Variants in LEMD1 observed in about 807,000 individuals in gnomAD.
LEMD1 encodes LEM domain containing 1, also known as LEM domain-containing protein 1.
LEMD1 carries 18 observed loss-of-function variants against 17.4 expected under a neutral mutation model. That is an observed-to-expected ratio of 1.04 (90% CI 0.72 to 1.54). The LOEUF is 1.54. Ranked by LOEUF, LEMD1 falls within the 40% of genes most tolerant of loss-of-function variation. The probability of loss-of-function intolerance (pLI) is 0.00; values close to 1 mark genes in which losing one functional copy is unlikely to be tolerated. For synonymous variants in LEMD1, 88 were observed against 77.8 expected (o/e 1.13, Z -0.69); for missense variants, 195 against 210.4 (o/e 0.93, Z 0.45).
intron 4 of LEMD1, among the ~76,000 whole-genome samples, chr1:205,401,159 G>A (rs1167210478): frequency 4.1e-5 from 6 of 148,044 alleles, no homozygotes; most frequent in Admixed American, 6.8e-5. Context: ...ATAAACATAC[G>A]TGTGCATGTG....
chr1:205,431,730 T>C (rs142297229), intron 1 of LEMD1, among the ~76,000 whole-genome samples: 2,062 of 150,650 alleles, frequency 0.014, 38 homozygotes, highest in African/African-American at 0.047. Flanking sequence ...TTCTTTCTTT[T>C]TTTTTGAGAC....
intron 4 of LEMD1, among the ~76,000 whole-genome samples, chr1:205,392,553 A>G (rs1664393853): frequency 6.6e-6 from 1 of 152,048 alleles, no homozygotes; most frequent in Admixed American, 6.6e-5. Context: ...AAAAAAAACA[A>G]ATTAGAACTG....
chr1:205,391,479 G>A (rs538348092), intron 4 of LEMD1, among the ~76,000 whole-genome samples: 1 of 152,174 alleles, frequency 6.6e-6, no homozygotes, highest in Non-Finnish European at 1.5e-5. Flanking sequence ...AAGGAAAAGG[G>A]CAGCCTAGTA....
At chr1:205,392,257 T>A (rs1311208995) in intron 4 of LEMD1, among the ~76,000 whole-genome samples, 1 of 152,206 alleles carries the variant, frequency 6.6e-6, no homozygotes, top group African/African-American at 2.4e-5. Flanking sequence ...AATATGAACA[T>A]GTTTGAAACA....
chr1:205,410,178 T>G (rs1665322115), intron 4 of LEMD1, among the ~76,000 whole-genome samples: 1 of 152,164 alleles, frequency 6.6e-6, no homozygotes, highest in Non-Finnish European at 1.5e-5. Context: ...TGCCTCAGCC[T>G]CCCAAAGTGC....
chr1:205,427,505 GAGAC>G (rs991086370), intron 1 of LEMD1, among the ~76,000 whole-genome samples: 18 of 151,460 alleles, frequency 1.2e-4, no homozygotes, highest in African/African-American at 4.4e-4. Context: ...GAGAGAGAGA[GAGAC>G]AGAGAGAGAG....
chr1:205,428,153 A>C (rs1666081162), intron 1 of LEMD1, among the ~76,000 whole-genome samples: 1 of 152,230 alleles, frequency 6.6e-6, no homozygotes, highest in Non-Finnish European at 1.5e-5. Flanking sequence ...TAATTTTAAA[A>C]CATTTAAAAT....
chr1:205,386,309 CTT>C (rs10645710), intron 4 of LEMD1: 3 of 144,558 alleles, frequency 2.1e-5, no homozygotes, highest in Non-Finnish European at 3.0e-5. Flanking sequence ...GTGCCCCCTT[CTT>C]TTTTTTTTTT....
chr1:205,434,838 C>T (rs1406696006), intron 1 of LEMD1: 10 of 152,304 alleles, frequency 6.6e-5, no homozygotes, highest in African/African-American at 2.2e-4. Context: ...AAAATAAACA[C>T]GGATGCCCCT....
intron 4 of LEMD1, among the ~76,000 whole-genome samples, chr1:205,400,849 C>A (rs1273925675): frequency 2.7e-5 from 3 of 111,316 alleles, no homozygotes; most frequent in African/African-American, 9.8e-5. Context: ...TCCCTCCCCC[C>A]CCCCACCCCA....
intron 4 of LEMD1, chr1:205,386,162 C>G (rs1664001470): frequency 6.5e-6 from 1 of 152,856 alleles, no homozygotes; most frequent in Non-Finnish European, 1.5e-5. Flanking sequence ...TTATGGCAGG[C>G]CCAAGGGTCC....
chr1:205,446,142 G>T (rs1018197232), intron 1 of LEMD1, among the ~76,000 whole-genome samples: 3 of 152,234 alleles, frequency 2.0e-5, no homozygotes, highest in Non-Finnish European at 2.9e-5. Flanking sequence ...GAAGGGACAT[G>T]AGGGCAACTT....
At chr1:205,415,931 T>C (rs758818081) in intron 4 of LEMD1, among the ~76,000 whole-genome samples, 39 of 152,112 alleles carry the variant, frequency 2.6e-4, no homozygotes, top group Non-Finnish European at 5.1e-4. Flanking sequence ...CTAAGTGCTA[T>C]ATGTGAATGT....
chr1:205,418,365 C>T (rs1665794295), intron 3 of LEMD1, among the ~76,000 whole-genome samples: 1 of 152,168 alleles, frequency 6.6e-6, no homozygotes, highest in Non-Finnish European at 1.5e-5. Flanking sequence ...GAATGGTGTA[C>T]CCAGAGCAGG....
chr1:205,410,746 G>C (rs1027270419), intron 4 of LEMD1, among the ~76,000 whole-genome samples: 1 of 152,092 alleles, frequency 6.6e-6, no homozygotes, highest in Non-Finnish European at 1.5e-5. Context: ...CGTGCCTGTA[G>C]TCCCAGCTAC....
chr1:205,391,365 T>A (rs1456580273), intron 4 of LEMD1, among the ~76,000 whole-genome samples: 1 of 150,856 alleles, frequency 6.6e-6, no homozygotes, highest in African/African-American at 2.4e-5. Flanking sequence ...CAGGGTTTGT[T>A]TTTTTTTTAA....
upstream of LEMD1, among the ~76,000 whole-genome samples, chr1:205,425,707 C>T (rs545197654): frequency 6.6e-6 from 1 of 152,206 alleles, no homozygotes; most frequent in Admixed American, 6.5e-5. Flanking sequence ...CTGGCAGAAG[C>T]ATCTTCCCTT....
intron 4 of LEMD1, among the ~76,000 whole-genome samples, chr1:205,414,831 T>C (rs1665616921): frequency 6.6e-6 from 1 of 151,858 alleles, no homozygotes; most frequent in Non-Finnish European, 1.5e-5. Flanking sequence ...GAGATTACAG[T>C]GAGATATCAT....
chr1:205,433,625 T>C (rs990480276), intron 1 of LEMD1, among the ~76,000 whole-genome samples: 3 of 152,098 alleles, frequency 2.0e-5, no homozygotes, highest in Non-Finnish European at 2.9e-5. Flanking sequence ...CATTTCCCCA[T>C]GCAAGAGGGT....
Sources: gnomAD v4.1 joint callset for allele counts (sites outside exome capture counted in the v4.1 genomes callset) on GRCh38, gnomAD v4.1.1 for gene constraint, MANE v1.5 for transcripts, NCBI Gene and HGNC (gene_info 2026-07-23, HGNC 2026-07-21) for gene names.